The following NHSL1 variants were observed in gnomAD, a reference collection of about 807,000 sequenced individuals.
The protein encoded by NHSL1 is NHS-like protein 1.
NHSL1 carries 48 observed loss-of-function variants against 95.0 expected under a neutral mutation model. The observed-to-expected ratio is 0.51, with a 90% CI of 0.40 to 0.64. The LOEUF (loss-of-function observed/expected upper bound fraction) is 0.64, where lower values mean the gene tolerates loss of function less well. NHSL1 is among the 30% of genes least tolerant of loss of function. The probability of loss-of-function intolerance (pLI) is 0.00; values close to 1 mark genes in which losing one functional copy is unlikely to be tolerated. For synonymous variants in NHSL1, 783 were observed against 833.9 expected (o/e 0.94, Z 1.05); for missense variants, 1,971 against 2,077.7 (o/e 0.95, Z 1.00).
chr6:138,536,058 G>A (rs1436594055), intron 1 of NHSL1, among the ~76,000 whole-genome samples: 1 of 152,126 alleles, frequency 6.6e-6, no homozygotes, highest in Non-Finnish European at 1.5e-5. Flanking sequence ...AAGAGGGCAA[G>A]GGAAAATTAG....
chr6:138,601,711 C>T (rs1784373189), intron 1 of NHSL1, among the ~76,000 whole-genome samples: 1 of 152,028 alleles, frequency 6.6e-6, no homozygotes, highest in Admixed American at 6.6e-5. Flanking sequence ...ACTCGGGAGG[C>T]TGAGGCAGAA....
upstream of NHSL1, among the ~76,000 whole-genome samples, chr6:138,573,218 C>T (rs1783904223): frequency 6.6e-6 from 1 of 152,178 alleles, no homozygotes; most frequent in Admixed American, 6.5e-5. Context: ...CTATCTAGAG[C>T]CACAGCTTGC....
chr6:138,492,764 G>A (rs1335203010), intron 2 of NHSL1, among the ~76,000 whole-genome samples: 1 of 152,102 alleles, frequency 6.6e-6, no homozygotes, highest in African/African-American at 2.4e-5. Flanking sequence ...CATACAATAA[G>A]CATTTAATGG....
upstream of NHSL1, among the ~76,000 whole-genome samples, chr6:138,573,857 A>G (rs985537674): frequency 6.6e-6 from 1 of 152,202 alleles, no homozygotes; most frequent in Non-Finnish European, 1.5e-5. Flanking sequence ...CACACTTACC[A>G]GGGATGCTTG....
rs192436505 is a variant in NHSL1 at position 138,577,928 on chromosome 6, C to T, written c.97-81557G>A. ...CCCATAGTACATTAAATCCTTCTTC[C>T]TTTATCCACCTTTCCACCCACCAAG... On this transcript the variant is annotated intron_variant, in intron 1 of 3. Transcript: ENST00000491526. Among the ~76,000 whole-genome samples, 62 of 152,298 alleles carry T rather than the reference C, an allele frequency of 4.1e-4. No individual in the cohort carries two copies. In the East Asian group the frequency reaches 6.6e-3, roughly 16 times the overall value.
chr6:138,431,969 A>C lies in NHSL1; in HGVS notation c.2376T>G (p.Asp792Glu). The C allele has an allele frequency of 1.9e-6, 3 of 1,551,700 alleles. No homozygotes were observed. The highest frequency in any genetic ancestry group is 2.6e-6 in the Non-Finnish European group (3 of 1,146,988). Residue 792 changes from aspartate (D) to glutamate (E), a missense_variant, in exon 6 of 8, where the codon GAT becomes GAG. This residue lies in a region of NHSL1 where 1,602 missense variants were observed against 1,654.5 expected (regional missense o/e 0.97). Coordinates refer to ENST00000343505, the MANE Select transcript of NHSL1 (RefSeq NM_001144060.2). This position sits in a 1 kb window ranked among gnomAD's most constrained non-coding sequence, Gnocchi z 4.0. ...YYIDYTGMQE[D>E]PGNPAGGCST... is the part of the protein sequence containing the mutation. ...AACAGCCCCCTGCCGGGTTCCCCGG[A>C]TCTTCCTGCATGCCCGTGTAGTCAA...
chr6:138,467,623 G>A (rs1778479546), intron 3 of NHSL1, among the ~76,000 whole-genome samples: 1 of 152,216 alleles, frequency 6.6e-6, no homozygotes, highest in South Asian at 2.1e-4. Context: ...ACAAGATGTG[G>A]AGGGGAAGAC....
chr6:138,433,572 T>G lies in NHSL1; in HGVS notation c.773A>C (p.Glu258Ala). Residue 258 changes from glutamate to alanine, a missense_variant, in exon 6 of 8, where the codon GAA (glutamate) becomes GCA (alanine). Coordinates refer to ENST00000343505, the MANE Select transcript of NHSL1 (RefSeq NM_001144060.2). ...CGTCTGACAGCTGGAGTCCCTGGTT[T>G]CTGAGCGCTGCCCAGCAGACCGACA... ...NSCRSAGQRS[E>A]TRDSSCQTED... 1 of 1,552,012 alleles carries G rather than the reference T, an allele frequency of 6.4e-7. No individual in the cohort carries two copies.
intron 1 of NHSL1, among the ~76,000 whole-genome samples, chr6:138,689,610 C>T (rs981062136): frequency 2.0e-5 from 3 of 152,176 alleles, no homozygotes; most frequent in African/African-American, 7.2e-5. Flanking sequence ...TTATTGGTCA[C>T]TGAAATATGC....
intron 1 of NHSL1, among the ~76,000 whole-genome samples, chr6:138,583,737 C>T (rs766096353): frequency 7.9e-5 from 12 of 152,166 alleles, no homozygotes; most frequent in Non-Finnish European, 1.6e-4. Flanking sequence ...TACTGGACCT[C>T]CTTTGATATT....
At chr6:138,676,536 T>C (rs925782459) in intron 1 of NHSL1, among the ~76,000 whole-genome samples, 2 of 152,240 alleles carry the variant, frequency 1.3e-5, no homozygotes, top group Admixed American at 6.5e-5. Context: ...CAAGTATTAG[T>C]ACAATGCCCA....
chr6:138,552,796 T>C (rs1430287901), intron 1 of NHSL1, among the ~76,000 whole-genome samples: 2 of 152,148 alleles, frequency 1.3e-5, no homozygotes, highest in African/African-American at 4.8e-5. Flanking sequence ...AGCTCCAGTC[T>C]GTAACTCCAC....
intron 1 of NHSL1, among the ~76,000 whole-genome samples, chr6:138,648,811 A>G (rs1207063580): frequency 6.6e-6 from 1 of 152,202 alleles, no homozygotes; most frequent in East Asian, 1.9e-4. Flanking sequence ...GGCTAAGAGC[A>G]TAGAAGAGGC....
intron 2 of NHSL1, among the ~76,000 whole-genome samples, chr6:138,477,073 T>C (rs983591651): frequency 6.6e-6 from 1 of 151,958 alleles, no homozygotes; most frequent in African/African-American, 2.4e-5. Context: ...TTTCCTGTGG[T>C]CCTAGAAATA....
chr6:138,533,380 T>C (rs1782212914), intron 1 of NHSL1, among the ~76,000 whole-genome samples: 1 of 151,944 alleles, frequency 6.6e-6, no homozygotes, highest in South Asian at 2.1e-4. Context: ...CTGACCAACA[T>C]GGAGAAACCC....
intron 1 of NHSL1, among the ~76,000 whole-genome samples, chr6:138,674,875 C>T (rs1449184023): frequency 6.6e-6 from 1 of 151,992 alleles, no homozygotes; most frequent in South Asian, 2.1e-4. Flanking sequence ...AAACTTCTGG[C>T]CATCATCCAT....
chr6:138,594,572 T>C (rs1006698630), intron 1 of NHSL1, among the ~76,000 whole-genome samples: 3 of 152,144 alleles, frequency 2.0e-5, no homozygotes, highest in Non-Finnish European at 4.4e-5. Flanking sequence ...CACAGATGTA[T>C]GGGCCCATTG....
chr6:138,585,774 T>C (rs992710299), intron 1 of NHSL1, among the ~76,000 whole-genome samples: 1 of 151,796 alleles, frequency 6.6e-6, no homozygotes, highest in Non-Finnish European at 1.5e-5. Context: ...AGGCAAGGAA[T>C]GTTAGCTCAC....
At chr6:138,508,674 C>G (rs9484170) in intron 1 of NHSL1, among the ~76,000 whole-genome samples, 7,461 of 152,228 alleles carry the variant, frequency 0.049, 216 homozygotes, top group African/African-American at 0.078. Context: ...TAATCTGCCT[C>G]GGATGCTTGA....
Sources: gnomAD v4.1 joint callset for allele counts (sites outside exome capture counted in the v4.1 genomes callset) on GRCh38, gnomAD v4.1.1 for gene constraint, gnomAD v4.1.1 regional missense constraint, Gnocchi (gnomAD v3.1) non-coding constraint, MANE v1.5 for transcripts, NCBI Gene and HGNC (gene_info 2026-07-23, HGNC 2026-07-21) for gene names.